NRG4: variants seen among roughly 807,000 people sequenced by gnomAD.
NRG4 encodes the protein pro-neuregulin-4, membrane-bound isoform.
In NRG4, 10 loss-of-function variants were observed where a neutral mutation model predicts 15.0. That is an observed-to-expected ratio of 0.67 (90% CI 0.41 to 1.13). The LOEUF (loss-of-function observed/expected upper bound fraction) is 1.13, where lower values mean the gene tolerates loss of function less well. Among genes scored for constraint, NRG4 ranks in the 50% most tolerant of loss-of-function variants. The pLI, the probability that NRG4 is intolerant of heterozygous loss-of-function variation, is 0.00. For missense variants in NRG4, 139 were observed against 140.2 expected (o/e 0.99, Z 0.04); for synonymous variants, 41 against 50.1 (o/e 0.82, Z 0.77).
intron 3 of NRG4, among the ~76,000 whole-genome samples, chr15:75,971,697 GA>G (rs539143721): frequency 6.6e-6 from 1 of 152,026 alleles, no homozygotes; most frequent in South Asian, 2.1e-4. Flanking sequence ...AAAATTCCCA[GA>G]AAAAGGAAAT....
chr15:75,955,850 G>T, intron 5 of NRG4, 82 bp downstream of exon 5: 1 of 753,660 alleles, frequency 1.3e-6, no homozygotes, highest in Non-Finnish European at 2.2e-6. Context: ...TTTCTGGATA[G>T]ATCTAAATAC....
At chr15:75,964,201 T>C (rs1480288408) in intron 3 of NRG4, among the ~76,000 whole-genome samples, 1 of 151,908 alleles carries the variant, frequency 6.6e-6, no homozygotes, top group Admixed American at 6.6e-5. Flanking sequence ...GAGACCACCA[T>C]CACAATCTAT....
intron 3 of NRG4, among the ~76,000 whole-genome samples, chr15:75,993,831 T>C (rs891041225): frequency 1.3e-5 from 2 of 152,236 alleles, no homozygotes; most frequent in African/African-American, 4.8e-5. Context: ...TTTTTAATTC[T>C]AGAATTTCTA....
At chr15:75,981,602 C>T (rs918922399) in intron 3 of NRG4, among the ~76,000 whole-genome samples, 15 of 152,102 alleles carry the variant, frequency 9.9e-5, no homozygotes, top group Non-Finnish European at 4.4e-5. Context: ...GCTGCAAGTA[C>T]AATGAGGAAA....
upstream of NRG4, among the ~76,000 whole-genome samples, chr15:76,013,101 C>T (rs2034867875): frequency 6.6e-6 from 1 of 152,148 alleles, no homozygotes; most frequent in Admixed American, 6.5e-5. Context: ...AGATGGTTAT[C>T]TTTTCTAAAA....
At chr15:76,008,220 TCCATTCC>T (rs1213028751) in intron 3 of NRG4, among the ~76,000 whole-genome samples, 1 of 152,198 alleles carries the variant, frequency 6.6e-6, no homozygotes, top group Non-Finnish European at 1.5e-5. Flanking sequence ...AATTTGTTCC[TCCATTCC>T]CTTCCCTTTT....
rs1024253043 is a variant in NRG4, at chr15:76,044,679, C to G, written c.-105+7388G>C. Among the ~76,000 whole-genome samples the G allele has an allele frequency of 2.0e-5, 3 of 148,776 alleles. No homozygotes were observed. The South Asian group carries it at 6.4e-4, about 32-fold the overall frequency. Reference sequence around the variant, plus strand: ...TGAAACCCCGTCTCTACTAAAAATACAAAAAATTAGCCGGGCATAGTGGCG... The same window carrying G: ...TGAAACCCCGTCTCTACTAAAAATAGAAAAAATTAGCCGGGCATAGTGGCG... On this transcript the variant is annotated intron_variant, in intron 4 of 8. Transcript: ENST00000563910.
chr15:75,982,591 G>A (rs1272668709), intron 3 of NRG4, among the ~76,000 whole-genome samples: 19 of 152,162 alleles, frequency 1.2e-4, no homozygotes, highest in Admixed American at 1.2e-3. Context: ...GGAGAATGAA[G>A]AGATAAAGAC....
upstream of NRG4, among the ~76,000 whole-genome samples, chr15:76,013,828 C>T (rs564387762): frequency 2.0e-5 from 3 of 152,256 alleles, no homozygotes; most frequent in South Asian, 6.2e-4. Flanking sequence ...TTTATAGTAG[C>T]ATGATTTATA....
chr15:76,056,242 G>C (rs888371290), intron 2 of NRG4, among the ~76,000 whole-genome samples: 6 of 152,090 alleles, frequency 3.9e-5, no homozygotes, highest in Non-Finnish European at 5.9e-5. Context: ...CAGGTCAGGA[G>C]TTCGAGACCA....
chr15:75,993,268 G>A (rs1308616733), intron 3 of NRG4, among the ~76,000 whole-genome samples: 2 of 149,608 alleles, frequency 1.3e-5, no homozygotes, highest in Non-Finnish European at 3.0e-5. Context: ...GAAAATTGGG[G>A]ACCATCATTT....
intron 3 of NRG4, among the ~76,000 whole-genome samples, chr15:75,983,546 A>G (rs1238317539): frequency 6.6e-6 from 1 of 152,192 alleles, no homozygotes. Context: ...AGCCATTAGA[A>G]GGAGATAAGT....
intron 4 of NRG4, among the ~76,000 whole-genome samples, chr15:76,049,287 C>T (rs888373474): frequency 6.6e-6 from 1 of 150,706 alleles, no homozygotes; most frequent in Non-Finnish European, 1.5e-5. Flanking sequence ...TCCTTGCTTA[C>T]AAAGAAATAT....
chr15:76,008,963 T>C (rs1175221936), intron 3 of NRG4, among the ~76,000 whole-genome samples: 1 of 152,222 alleles, frequency 6.6e-6, no homozygotes, highest in African/African-American at 2.4e-5. Context: ...AAAATGTGTC[T>C]AGGCTAGGAA....
intron 5 of NRG4, among the ~76,000 whole-genome samples, chr15:76,022,195 C>T (rs1158290234): frequency 2.0e-5 from 3 of 152,074 alleles, no homozygotes; most frequent in Admixed American, 6.6e-5. Context: ...AAGCCTTGAT[C>T]TTTAAGAACT....
intron 3 of NRG4, among the ~76,000 whole-genome samples, chr15:75,972,213 G>A (rs933654029): frequency 1.3e-5 from 2 of 152,128 alleles, no homozygotes; most frequent in African/African-American, 2.4e-5. Flanking sequence ...TTTTGATGGG[G>A]TTGTTGGTTT....
At chr15:75,963,192 A>G (rs1234758645) in intron 3 of NRG4, among the ~76,000 whole-genome samples, 2 of 152,204 alleles carry the variant, frequency 1.3e-5, no homozygotes, top group South Asian at 4.1e-4. Context: ...AGTCCTACTC[A>G]ATGTGAGGCA....
chr15:75,947,949 G>C (rs1433000072), intron 5 of NRG4, among the ~76,000 whole-genome samples: 1 of 152,134 alleles, frequency 6.6e-6, no homozygotes, highest in Non-Finnish European at 1.5e-5. Flanking sequence ...GGCCATCTGT[G>C]TATCTTCTTT....
chr15:76,039,502 T>C (rs1425230474), intron 4 of NRG4, among the ~76,000 whole-genome samples: 4 of 152,132 alleles, frequency 2.6e-5, no homozygotes, highest in East Asian at 3.9e-4. Context: ...AGACTGTTAA[T>C]AGTAGAATTG....
Sources: allele counts gnomAD v4.1 joint callset (sites outside exome capture counted in the v4.1 genomes callset), GRCh38; gene constraint gnomAD v4.1.1; transcripts MANE v1.5; gene names NCBI Gene and HGNC (gene_info 2026-07-23, HGNC 2026-07-21).